Variants in RPH3A observed in about 807,000 individuals in gnomAD.
The protein encoded by RPH3A is rabphilin 3A.
Under a neutral mutation model 102.2 loss-of-function variants are expected in RPH3A, and 48 were observed. The observed-to-expected ratio is 0.47, with a 90% confidence interval of 0.37 to 0.60. RPH3A has a LOEUF of 0.60. RPH3A is among the 20% of genes least tolerant of loss of function. The pLI, the probability that RPH3A is intolerant of heterozygous loss-of-function variation, is 0.00. For missense variants in RPH3A, 781 were observed against 910.1 expected (o/e 0.86, Z 1.83); for synonymous variants, 310 against 324.3 (o/e 0.96, Z 0.47).
At chr12:112,608,136 C>A (rs549024117) in intron 1 of RPH3A, among the ~76,000 whole-genome samples, 2 of 143,902 alleles carry the variant, frequency 1.4e-5, no homozygotes, top group South Asian at 2.2e-4. Flanking sequence ...TTTTTTTTGA[C>A]GGGGAGTTGC....
chr12:112,632,812 A>C (rs1158249413), intron 1 of RPH3A, among the ~76,000 whole-genome samples: 1 of 152,038 alleles, frequency 6.6e-6, no homozygotes, highest in East Asian at 1.9e-4. Context: ...CGGACAAGGG[A>C]GAGAAGTGAG....
At chr12:112,709,615 C>T (rs938981753) in intron 1 of RPH3A, among the ~76,000 whole-genome samples, 2 of 151,926 alleles carry the variant, frequency 1.3e-5, no homozygotes, top group African/African-American at 4.8e-5. Flanking sequence ...TTATTTATTC[C>T]CCAAATGTTT....
intron 1 of RPH3A, among the ~76,000 whole-genome samples, chr12:112,759,472 T>C (rs985319739): frequency 6.6e-6 from 1 of 152,204 alleles, no homozygotes; most frequent in Non-Finnish European, 1.5e-5. Flanking sequence ...TTCTGCCTCC[T>C]GTTGTGCATT....
chr12:112,814,085 C>A (rs1364172796), intron 2 of RPH3A, among the ~76,000 whole-genome samples: 1 of 150,738 alleles, frequency 6.6e-6, no homozygotes, highest in East Asian at 1.9e-4. Flanking sequence ...TGGGAGTGTG[C>A]ACGAGTGTGT....
intron 16 of RPH3A, among the ~76,000 whole-genome samples, chr12:112,885,952 G>T (rs971540407): frequency 6.6e-6 from 1 of 152,050 alleles, no homozygotes; most frequent in Admixed American, 6.6e-5. Context: ...GGTGCTACAG[G>T]GTCAAAAACA....
intron 1 of RPH3A, among the ~76,000 whole-genome samples, chr12:112,776,361 G>C (rs960040749): frequency 3.3e-5 from 5 of 152,164 alleles, no homozygotes; most frequent in Non-Finnish European, 7.3e-5. Context: ...CTAGTCTATA[G>C]GTTGGCTGGG....
intron 5 of RPH3A, among the ~76,000 whole-genome samples, chr12:112,864,843 TG>T (rs2042580558): frequency 6.6e-6 from 1 of 152,128 alleles, no homozygotes; most frequent in Admixed American, 6.5e-5. Flanking sequence ...TCAGTTGGGC[TG>T]GGGTGGAGCC....
intron 5 of RPH3A, among the ~76,000 whole-genome samples, chr12:112,852,463 C>G (rs2042338128): frequency 1.3e-5 from 2 of 152,194 alleles, no homozygotes; most frequent in South Asian, 4.1e-4. Flanking sequence ...CTCCAGGGAT[C>G]TGAGGACAAG....
chr12:112,878,493 AG>A (rs1330469441), intron 13 of RPH3A, among the ~76,000 whole-genome samples: 2 of 152,254 alleles, frequency 1.3e-5, no homozygotes, highest in Admixed American at 1.3e-4. Context: ...AAAAAAAGAT[AG>A]ACATGCCAGC....
intron 1 of RPH3A, among the ~76,000 whole-genome samples, chr12:112,608,974 A>G (rs1055826292): frequency 2.0e-5 from 3 of 152,228 alleles, no homozygotes; most frequent in Admixed American, 6.5e-5. Context: ...AATAAAATAA[A>G]AAATTCACTT....
Position 112,896,875 on chromosome 12 carries a change from C to G in RPH3A, c.*95C>G, listed in dbSNP as rs2043187564. 3 of 1,368,030 alleles carry G rather than the reference C, an allele frequency of 2.2e-6. No homozygotes were observed. Among genetic ancestry groups the G allele is most frequent in the Non-Finnish European group, 3.0e-6 (3 of 987,030 alleles). The allele number at this position is 1,368,030 out of a possible 1,614,324, so 84.7% of individuals were successfully genotyped here. On this transcript the variant is annotated 3_prime_UTR_variant, in exon 22 of 22. Transcript: ENST00000389385. ...TGATCTCTCTTCTCTATGCCTACCT[C>G]CCCCCATACCCTGCTGATCTCCCTG...
At chr12:112,890,124 T>C (rs2043068635) in intron 18 of RPH3A, 44 bp downstream of exon 18, 1 of 1,548,368 alleles carries the variant, frequency 6.5e-7, no homozygotes, top group East Asian at 2.2e-5. Context: ...GGGTCTGTAC[T>C]GGGCTAGGCT....
intron 1 of RPH3A, among the ~76,000 whole-genome samples, chr12:112,604,944 C>A (rs930547520): frequency 1.3e-5 from 2 of 152,196 alleles, no homozygotes; most frequent in African/African-American, 4.8e-5. Context: ...CTTCCGTGAC[C>A]TAGCGTCTGA....
rs748882130 is a variant in RPH3A, at chr12:112,865,507, G to A, written c.324G>A (p.Leu108=). Residue 108 remains leucine (L), a synonymous_variant, in exon 6 of 22, where the codon CTG becomes CTA. Transcript: ENST00000389385. ...TGTGTGGAGAACAGCTGGGGATGCT[G>A]GGCTCTGCCTGTGTAGTATGTGAGG... ...CILCGEQLGM[L]GSACVVCEDC... is the part of the protein sequence containing the mutation. 6.2e-7 allele frequency: 1 copy of A among 1,613,998 alleles called. No homozygotes were observed. The highest frequency in any genetic ancestry group is 8.5e-7 in the Non-Finnish European group (1 of 1,179,996).
chr12:112,865,577 C>T (rs1469448460), intron 6 of RPH3A, 34 bp downstream of exon 6: 2 of 1,603,836 alleles, frequency 1.2e-6, no homozygotes, highest in African/African-American at 1.3e-5. Flanking sequence ...CTTCCCTGTG[C>T]AGCACCTGCA....
In RPH3A at chr12:112,870,000, C is replaced by G; in HGVS notation, c.757C>G (p.His253Asp). 1 of 1,614,112 alleles carries G rather than the reference C, an allele frequency of 6.2e-7. No individual in the cohort carries two copies. The highest frequency in any genetic ancestry group is 8.5e-7 in the Non-Finnish European group (1 of 1,180,026). ...TAGCCGAGATTCAGAGAGCTGGGAC[C>G]ACAGTGGGGGTGCTGGAGACTCCAG... is the stretch of plus-strand genomic sequence containing the variant. ...SSSRDSESWDHSGGAGDSSRS... is the reference protein window; with the variant it reads ...SSSRDSESWDDSGGAGDSSRS... The change falls in exon 10 of 22, where the codon CAC becomes GAC. Residue 253 changes from histidine to aspartate, a missense_variant. By Grantham distance (81) the His-to-Asp change is moderately conservative (BLOSUM62 -1). Around this residue, in one of 2 missense-constraint regions of RPH3A, gnomAD observed 730 missense variants for 810.0 expected, o/e 0.90. Transcript: ENST00000389385.
At chr12:112,577,533 T>A (rs2039368506) in intron 1 of RPH3A, among the ~76,000 whole-genome samples, 1 of 152,172 alleles carries the variant, frequency 6.6e-6, no homozygotes, top group South Asian at 2.1e-4. Flanking sequence ...TGCTGTTTCA[T>A]CAGCAAAGTC....
intron 2 of RPH3A, among the ~76,000 whole-genome samples, chr12:112,795,376 G>A (rs1022121986): frequency 1.3e-5 from 2 of 152,192 alleles, no homozygotes; most frequent in African/African-American, 4.8e-5. Context: ...ATAATTCTGG[G>A]ACCCAGTCAT....
Position 112,896,763 on chromosome 12 carries a change from C to T in RPH3A, c.2068C>T (p.His690Tyr). The change falls in exon 22 of 22, where the codon CAC becomes TAC. Residue 690 changes from histidine to tyrosine, a missense_variant. His to Tyr is a moderately conservative substitution (Grantham distance 83, BLOSUM62 2). Around this residue, in one of 2 missense-constraint regions of RPH3A, gnomAD observed 51 missense variants for 100.1 expected, o/e 0.51. Transcript: ENST00000389385. ...ERWHQLQNEN[H>Y]VSSD ...CTGGCACCAGCTACAGAATGAGAAC[C>T]ACGTGTCAAGTGATTAGGCTAGTGC... is the stretch of plus-strand genomic sequence containing the variant. The T allele has an allele frequency of 6.2e-7, 1 of 1,614,076 alleles. No homozygotes were observed. The highest frequency in any genetic ancestry group is 8.5e-7 in the Non-Finnish European group (1 of 1,180,000).
Sources: allele counts gnomAD v4.1 joint callset (sites outside exome capture counted in the v4.1 genomes callset), GRCh38; gene constraint gnomAD v4.1.1; regional missense constraint gnomAD v4.1.1; transcripts MANE v1.5; gene names NCBI Gene and HGNC (gene_info 2026-07-23, HGNC 2026-07-21).